The following RAB11FIP2 variants were observed in gnomAD, a reference collection of about 807,000 sequenced individuals.
RAB11FIP2 encodes the protein RAB11 family interacting protein 2, also known as rab11 family-interacting protein 2.
In RAB11FIP2, 16 loss-of-function variants were observed where a neutral mutation model predicts 40.9. That is an observed-to-expected ratio of 0.39 (90% CI 0.26 to 0.59). RAB11FIP2 has a LOEUF of 0.59. RAB11FIP2 is among the 20% of genes least tolerant of loss of function. The pLI is 0.53. For missense variants in RAB11FIP2, 532 were observed against 606.2 expected (o/e 0.88, Z 1.28); for synonymous variants, 228 against 213.7 (o/e 1.07, Z -0.58).
intron 3 of RAB11FIP2, 126 bp downstream of exon 3, chr10:118,038,846 C>T (rs576022394): frequency 2.8e-6 from 2 of 711,184 alleles, no homozygotes; most frequent in South Asian, 2.6e-5. Flanking sequence ...TTTAATTATA[C>T]AAATAAAAAT....
intron 1 of RAB11FIP2, among the ~76,000 whole-genome samples, chr10:118,042,306 A>G (rs1453601932): frequency 6.6e-6 from 1 of 152,174 alleles, no homozygotes; most frequent in Non-Finnish European, 1.5e-5. Flanking sequence ...GGGGTAGTGG[A>G]AATTCACAGA....
rs146659088 is a variant in RAB11FIP2, at chr10:118,023,951, G to A, written c.1266-8841C>T. Among the ~76,000 whole-genome samples, 126 of 152,156 alleles carry A rather than the reference G, an allele frequency of 8.3e-4. 4 individuals are homozygous for A. The East Asian group carries it at 0.023, about 28-fold the overall frequency. On this transcript the variant is annotated intron_variant, in intron 3 of 4. Transcript: ENST00000355624. ...TAAAAAATACAAAACTTAGCCGGAT[G>A]TGGTGGCATGTGTCTATAATCCCAG...
rs904501193 is a variant in RAB11FIP2 at position 118,006,666 on chromosome 10, C to A, written c.*2332G>T. 2.0e-5 allele frequency: 3 copies of A among 151,936 alleles called. No individual in the cohort carries two copies. The highest frequency in any genetic ancestry group is 7.3e-5 in the African/African-American group (3 of 41,372). 9.4% of individuals were successfully genotyped at this position (151,936 alleles called of 1,614,324 possible). ...TATTTTGACTGATTATGAAAATATG[C>A]AATAAGTTTACTCTAGGTAATGAGT... is the stretch of plus-strand genomic sequence containing the variant. On this transcript the variant is annotated 3_prime_UTR_variant, in exon 5 of 5. Transcript: ENST00000355624.
In RAB11FIP2 at chr10:118,045,820, CTTCT is replaced by C. The variant is rs1347660745; in HGVS notation, c.340_343del (p.Arg114GlyfsTer8). On this transcript the variant is annotated frameshift_variant, in exon 1 of 5. Transcript: ENST00000355624. LOFTEE classifies it high-confidence loss of function. ...AAATTACATAACTTACTCTGTTTTC[CTTCT>C]TTGTTTGTCCTCAAAGATGTCATTG... 1.2e-5 allele frequency: 19 copies of C among 1,600,408 alleles called. No individual in the cohort carries two copies. The highest frequency in any genetic ancestry group is 3.4e-5 in the South Asian group (3 of 89,014).
chr10:118,030,924 T>C (rs979457703), intron 3 of RAB11FIP2, among the ~76,000 whole-genome samples: 2 of 152,128 alleles, frequency 1.3e-5, no homozygotes, highest in African/African-American at 2.4e-5. Context: ...GAGTTAAACA[T>C]AAAAGTTCTA....
At chr10:118,041,099 A>G (rs1406586706) in intron 1 of RAB11FIP2, among the ~76,000 whole-genome samples, 1 of 152,128 alleles carries the variant, frequency 6.6e-6, no homozygotes, top group Non-Finnish European at 1.5e-5. Context: ...AACATTGGAG[A>G]TCATTGCATA....
At chr10:118,022,217 A>G (rs1413351796) in intron 3 of RAB11FIP2, among the ~76,000 whole-genome samples, 1 of 152,146 alleles carries the variant, frequency 6.6e-6, no homozygotes, top group Non-Finnish European at 1.5e-5. Context: ...CAGAACTCTC[A>G]TCGTTTCCTC....
At chr10:118,025,166 T>C (rs945658319) in intron 3 of RAB11FIP2, among the ~76,000 whole-genome samples, 1 of 152,210 alleles carries the variant, frequency 6.6e-6, no homozygotes, top group Non-Finnish European at 1.5e-5. Flanking sequence ...CAGAAAAGAA[T>C]ATATTGTTTT....
chr10:118,008,766 T>C lies in RAB11FIP2; in HGVS notation c.*232A>G, dbSNP rs538342763. 1.4e-5 allele frequency: 7 copies of C among 499,112 alleles called. No homozygotes were observed. The highest frequency in any genetic ancestry group is 2.2e-5 in the South Asian group (1 of 45,700). 30.9% of individuals were successfully genotyped at this position (499,112 alleles called of 1,614,324 possible). The stretch of plus-strand genomic sequence containing the variant: ...TGAGTGAGTCCTAAGGAACCACTTA[T>C]TCATTGAGAATCTGGCCCATTTTCA... On this transcript the variant is annotated 3_prime_UTR_variant, in exon 5 of 5. Coordinates refer to ENST00000355624, the MANE Select transcript of RAB11FIP2 (RefSeq NM_014904.3).
At chr10:118,021,343 A>C (rs1846281491) in intron 3 of RAB11FIP2, among the ~76,000 whole-genome samples, 2 of 152,194 alleles carry the variant, frequency 1.3e-5, no homozygotes, top group Admixed American at 1.3e-4. Flanking sequence ...AAGGAACAGT[A>C]ATCAATAAAA....
At position 118,039,358 on chromosome 10, in the gene RAB11FIP2, A is replaced by C; in HGVS notation, c.879T>G (p.Gly293=). The C allele has an allele frequency of 6.2e-7, 1 of 1,613,582 alleles. No individual in the cohort carries two copies. The highest frequency in any genetic ancestry group is 8.5e-7 in the Non-Finnish European group (1 of 1,179,650). ...MNQPDSIVDE[G]ELCFGRQNDP... is the part of the protein sequence containing the mutation. ...CATTTTGTCTTCCGAAACACAATTCACCTTCATCCACAATGCTGTCAGGTT... is the reference window on the plus strand; with the variant it reads ...CATTTTGTCTTCCGAAACACAATTCCCCTTCATCCACAATGCTGTCAGGTT... Residue 293 remains glycine (G), a synonymous_variant, in exon 3 of 5, where the codon GGT becomes GGG. Transcript: ENST00000355624.
At chr10:118,030,730 G>A (rs941678635) in intron 3 of RAB11FIP2, among the ~76,000 whole-genome samples, 4 of 149,192 alleles carry the variant, frequency 2.7e-5, no homozygotes, top group African/African-American at 4.9e-5. Flanking sequence ...TGTCTTTTTT[G>A]TTACAGAGCT....
intron 3 of RAB11FIP2, among the ~76,000 whole-genome samples, chr10:118,032,711 C>A (rs1336059471): frequency 6.6e-6 from 1 of 152,056 alleles, no homozygotes; most frequent in Non-Finnish European, 1.5e-5. Context: ...ATGGAAAATT[C>A]CAGAAATAAT....
At chr10:118,012,195 G>A (rs1846165990) in intron 4 of RAB11FIP2, among the ~76,000 whole-genome samples, 1 of 151,688 alleles carries the variant, frequency 6.6e-6, no homozygotes, top group African/African-American at 2.4e-5. Context: ...CCATACTCTA[G>A]AATACACAGA....
chr10:118,041,317 G>T (rs1382177007), intron 1 of RAB11FIP2, among the ~76,000 whole-genome samples: 1 of 151,340 alleles, frequency 6.6e-6, no homozygotes, highest in Non-Finnish European at 1.5e-5. Flanking sequence ...TTGCTACTGT[G>T]ACAATACCAA....
chr10:118,040,163 G>A lies in RAB11FIP2; in HGVS notation c.756C>T (p.Leu252=), dbSNP rs549354168. The change falls in exon 2 of 5, where the codon CTC becomes CTT. Residue 252 remains leucine, a synonymous_variant. Coordinates refer to ENST00000355624, the MANE Select transcript of RAB11FIP2 (RefSeq NM_014904.3). The part of the protein sequence containing the change: ...KAGTIGQTHL[L]GHQLDSFGTV... Reference sequence around the variant, plus strand: ...TTCCAAAGGAATCTAACTGGTGTCCGAGAAGATGTGTTTGACCTATGGTGC... The same window carrying A: ...TTCCAAAGGAATCTAACTGGTGTCCAAGAAGATGTGTTTGACCTATGGTGC... 15 of 1,613,610 alleles carry A rather than the reference G, an allele frequency of 9.3e-6. No individual in the cohort carries two copies. The highest frequency in any genetic ancestry group is 4.4e-5 in the South Asian group (4 of 91,074).
At chr10:118,033,980 A>C in intron 3 of RAB11FIP2, 1 of 701,984 alleles carries the variant, frequency 1.4e-6, no homozygotes, top group Non-Finnish European at 2.6e-6. Context: ...GCTCCTACTT[A>C]CAGCTCTGCC....
At chr10:118,019,143 A>G (rs925711495) in intron 3 of RAB11FIP2, among the ~76,000 whole-genome samples, 2 of 152,212 alleles carry the variant, frequency 1.3e-5, no homozygotes, top group Non-Finnish European at 2.9e-5. Flanking sequence ...GAGAAGTCAC[A>G]TAACAACAAG....
At chr10:118,012,906 T>C (rs1846174702) in intron 4 of RAB11FIP2, among the ~76,000 whole-genome samples, 1 of 152,084 alleles carries the variant, frequency 6.6e-6, no homozygotes, top group Admixed American at 6.6e-5. Flanking sequence ...ACTCCACCTC[T>C]GTTAAAAATG....
Sources: allele counts gnomAD v4.1 joint callset (sites outside exome capture counted in the v4.1 genomes callset), GRCh38; gene constraint gnomAD v4.1.1; transcripts MANE v1.5; gene names NCBI Gene and HGNC (gene_info 2026-07-23, HGNC 2026-07-21).